LARP7: variants seen among roughly 807,000 people sequenced by gnomAD.
LARP7 encodes La ribonucleoprotein 7, transcriptional regulator.
A neutral mutation model predicts 69.3 loss-of-function variants in LARP7; 52 were observed. That is an observed-to-expected ratio of 0.75 (90% CI 0.60 to 0.95). The LOEUF (loss-of-function observed/expected upper bound fraction) is 0.95, where lower values mean the gene tolerates loss of function less well. Ranked by LOEUF, LARP7 falls within the 40% of genes least tolerant of loss-of-function variation. LARP7 has a pLI of 0.00. For synonymous variants in LARP7, 254 were observed against 215.9 expected, an observed-to-expected ratio of 1.18 and a Z score of -1.55; for missense variants, 733 against 673.0, an observed-to-expected ratio of 1.09 and a Z score of -0.99.
chr4:112,637,707 A>G (rs577292979), intron 1 of LARP7: 26 of 152,392 alleles, frequency 1.7e-4, no homozygotes, highest in African/African-American at 6.0e-4. Context: ...CACTTGCTAG[A>G]TATGGTGTGC....
intron 2 of LARP7, chr4:112,645,501 G>A (rs761825620): frequency 4.8e-5 from 22 of 455,978 alleles, no homozygotes; most frequent in South Asian, 3.4e-4. Flanking sequence ...CTAGCTCAAT[G>A]TTATTTTTTG....
Position 112,646,441 on chromosome 4 carries a change from CTGTTGTAGAGGTAAGAATCAAGAA to C in LARP7, c.295_303+15del. ...ATTGCCAGAGCATTGAGAAGTTCAG[CTGTTGTAGAGGTAAGAATCAAGAA>C]TAACTACTGTTTATATTTATAGTTT... On this transcript the variant is annotated splice_donor_variant and splice_donor_5th_base_variant and coding_sequence_variant and intron_variant, in exon 3 of 13. Coordinates refer to ENST00000344442, the MANE Select transcript of LARP7 (RefSeq NM_016648.4). LOFTEE classifies it high-confidence loss of function. 1 of 1,589,948 alleles carries C rather than the reference CTGTTGTAGAGGTAAGAATCAAGAA, an allele frequency of 6.3e-7. No individual in the cohort carries two copies. The highest frequency in any genetic ancestry group is 8.6e-7 in the Non-Finnish European group (1 of 1,160,136).
chr4:112,643,237 A>C (rs1302985664), intron 1 of LARP7, among the ~76,000 whole-genome samples: 3 of 152,238 alleles, frequency 2.0e-5, no homozygotes, highest in African/African-American at 4.8e-5. Context: ...AAAATAAGGC[A>C]GGGGAGTTAC....
chr4:112,650,633 TC>T, intron 10 of LARP7, 51 bp downstream of exon 10: 2 of 1,540,358 alleles, frequency 1.3e-6, no homozygotes, highest in Non-Finnish European at 1.8e-6. Context: ...TCTTATTATT[TC>T]CCTGTGTGAA....
At position 112,646,641 on chromosome 4, in the gene LARP7, A is replaced by T. The variant is rs1276853941; in HGVS notation, c.357A>T (p.Pro119=). The T allele has an allele frequency of 3.1e-6, 5 of 1,606,042 alleles. No individual in the cohort carries two copies. In the South Asian group the frequency reaches 4.5e-5, roughly 14 times the overall value. Residue 119 remains proline, a synonymous_variant, in exon 4 of 13, where the codon CCA becomes CCT. Transcript: ENST00000344442. The part of the protein sequence containing the change: ...IRRKKPLGER[P]KDEDERTVYV... ...GGAAAAAACCTCTGGGGGAAAGACCAAAGGATGAGGATGAACGCACAGTGT... is the reference window on the plus strand; with the variant it reads ...GGAAAAAACCTCTGGGGGAAAGACCTAAGGATGAGGATGAACGCACAGTGT...
At chr4:112,639,662 T>A (rs548270444) in intron 1 of LARP7, among the ~76,000 whole-genome samples, 35 of 152,268 alleles carry the variant, frequency 2.3e-4, no homozygotes, top group African/African-American at 7.7e-4. Context: ...TTTAGATGGG[T>A]TATACATAGG....
intron 1 of LARP7, among the ~76,000 whole-genome samples, chr4:112,642,639 G>A (rs2048006459): frequency 6.6e-6 from 1 of 152,194 alleles, no homozygotes; most frequent in Admixed American, 6.5e-5. Context: ...AGATAGGGTA[G>A]ATGCAGCTTC....
Position 112,647,787 on chromosome 4 carries a change from G to A in LARP7, c.1095G>A (p.Glu365=). 6.3e-7 allele frequency: 1 copy of A among 1,586,846 alleles called. No individual in the cohort carries two copies. The highest frequency in any genetic ancestry group is 2.2e-5 in the East Asian group (1 of 44,640). ...TKRKHKKKHK[E]RHKMGEEVIP... ...GGAAACATAAGAAAAAACATAAAGAGAGACATAAAATGGGAGAAGAAGTTA... is the reference window on the plus strand; with the variant it reads ...GGAAACATAAGAAAAAACATAAAGAAAGACATAAAATGGGAGAAGAAGTTA... The change falls in exon 8 of 13, where the codon GAG becomes GAA. Residue 365 remains glutamate (E), a synonymous_variant. Coordinates refer to ENST00000344442, the MANE Select transcript of LARP7 (RefSeq NM_016648.4).
intron 8 of LARP7, among the ~76,000 whole-genome samples, chr4:112,649,023 A>G (rs1165679579): frequency 2.0e-5 from 3 of 152,038 alleles, no homozygotes; most frequent in South Asian, 4.1e-4. Context: ...CGAGAAAGGC[A>G]TTGTGTTTCT....
chr4:112,657,102 A>G lies in LARP7; in HGVS notation c.1669-145A>G, dbSNP rs112799805. 4.0e-4 allele frequency: 172 copies of G among 428,368 alleles called. 1 individual carries two copies. Among genetic ancestry groups the G allele is most frequent in the African/African-American group, 3.0e-3 (145 of 48,830 alleles). The allele number at this position is 428,368 out of a possible 1,614,324, so 26.5% of individuals were successfully genotyped here. ...CCTGAGCATAATTATCTCATTTGTC[A>G]TCTTCTCGCTGTTTTTAAAAAATTT... On this transcript the variant is annotated intron_variant, in intron 12 of 12. Transcript: ENST00000344442.
intron 1 of LARP7, among the ~76,000 whole-genome samples, chr4:112,642,775 T>TA (rs1167597630): frequency 6.6e-6 from 1 of 152,218 alleles, no homozygotes; most frequent in Non-Finnish European, 1.5e-5. Context: ...CATGGTGTAT[T>TA]TAGGACACTT....
In LARP7 at chr4:112,647,344, G is replaced by GT; in HGVS notation, c.793dup (p.Ser265PhefsTer3). On this transcript the variant is annotated frameshift_variant, in exon 7 of 13. Coordinates refer to ENST00000344442, the MANE Select transcript of LARP7 (RefSeq NM_016648.4). LOFTEE classifies it high-confidence loss of function. ...CCACATCTGAGGGCTCTGACATTGAGTCCACTGAACCCCAAAAGCAGTGCT... is the reference window on the plus strand; with the variant it reads ...CCACATCTGAGGGCTCTGACATTGAGTTCCACTGAACCCCAAAAGCAGTGCT... 5 of 1,614,060 alleles carry GT rather than the reference G, an allele frequency of 3.1e-6. No individual in the cohort carries two copies. Among genetic ancestry groups the GT allele is most frequent in the Non-Finnish European group, 4.2e-6 (5 of 1,180,002 alleles).
chr4:112,649,060 C>T (rs1208459139), intron 8 of LARP7, among the ~76,000 whole-genome samples: 1 of 152,018 alleles, frequency 6.6e-6, no homozygotes, highest in Admixed American at 6.6e-5. Context: ...TTTGAAGAAG[C>T]ATCTACATGT....
At chr4:112,637,633 T>A (rs998939954) in intron 1 of LARP7, 1 of 152,276 alleles carries the variant, frequency 6.6e-6, no homozygotes, top group Non-Finnish European at 1.5e-5. Context: ...AATTATCATC[T>A]TCTTTTGCAG....
At chr4:112,645,302 C>G (rs1173590942) in intron 2 of LARP7, among the ~76,000 whole-genome samples, 5 of 152,056 alleles carry the variant, frequency 3.3e-5, no homozygotes, top group Admixed American at 2.6e-4. Flanking sequence ...TCCGTGTAAT[C>G]TGTTCTAATT....
intron 12 of LARP7, among the ~76,000 whole-genome samples, chr4:112,655,087 G>A (rs548377619): frequency 4.6e-5 from 7 of 151,998 alleles, no homozygotes; most frequent in Admixed American, 2.6e-4. Context: ...CGTGATTTGT[G>A]GGGAGGTGTG....
At chr4:112,653,821 C>T (rs1470600570) in intron 11 of LARP7, among the ~76,000 whole-genome samples, 1 of 152,146 alleles carries the variant, frequency 6.6e-6, no homozygotes, top group Non-Finnish European at 1.5e-5. Flanking sequence ...AGGGGCTTTG[C>T]CTTGTTGGCC....
intron 8 of LARP7, chr4:112,648,082 A>G (rs949248695): frequency 3.1e-5 from 19 of 605,828 alleles, no homozygotes; most frequent in Non-Finnish European, 5.9e-5. Context: ...GGGCCCCTTA[A>G]CAGATGTAAA....
chr4:112,653,009 G>A, intron 10 of LARP7, 68 bp from the exon 11 acceptor site: 1 of 1,235,410 alleles, frequency 8.1e-7, no homozygotes, highest in Non-Finnish European at 1.1e-6. Flanking sequence ...CATAACCATT[G>A]GAATAGTTTT....
Sources: gnomAD v4.1 joint callset for allele counts (sites outside exome capture counted in the v4.1 genomes callset) on GRCh38, gnomAD v4.1.1 for gene constraint, MANE v1.5 for transcripts, NCBI Gene and HGNC (gene_info 2026-07-23, HGNC 2026-07-21) for gene names.